Variants in PLD5 observed in about 807,000 individuals in gnomAD.
The protein encoded by PLD5 is inactive phospholipase D5.
PLD5 carries 36 observed loss-of-function variants against 61.1 expected under a neutral mutation model. The ratio of observed to expected loss-of-function variants is 0.59; its 90% CI spans 0.45 to 0.78. The LOEUF is 0.78. PLD5 is among the 30% of genes least tolerant of loss of function. The pLI, the probability that PLD5 is intolerant of heterozygous loss-of-function variation, is 0.00. For missense variants in PLD5, 515 were observed against 644.4 expected, an observed-to-expected ratio of 0.80 and a Z score of 2.17; for synonymous variants, 243 against 242.8, an observed-to-expected ratio of 1.00 and a Z score of -0.01.
chr1:242,497,795 C>T (rs1572248450), intron 1 of PLD5, among the ~76,000 whole-genome samples: 1 of 152,302 alleles, frequency 6.6e-6, no homozygotes, highest in South Asian at 2.1e-4. Context: ...ATAATGTCCT[C>T]ACATATTATG....
intron 1 of PLD5, among the ~76,000 whole-genome samples, chr1:242,508,921 A>C (rs2654858): frequency 0.58 from 88,175 of 151,916 alleles, 26,145 homozygotes; most frequent in African/African-American, 0.63. Flanking sequence ...TCTCTACTAA[A>C]AACACAAAAA....
upstream of PLD5, among the ~76,000 whole-genome samples, chr1:242,526,476 A>C (rs1669449925): frequency 6.6e-6 from 1 of 152,152 alleles, no homozygotes; most frequent in Admixed American, 6.5e-5. Flanking sequence ...TCGCTCTGTC[A>C]CCAGGCTGGA....
intron 4 of PLD5, among the ~76,000 whole-genome samples, chr1:242,230,803 A>G (rs1671250513): frequency 6.6e-6 from 1 of 152,232 alleles, no homozygotes; most frequent in East Asian, 1.9e-4. Flanking sequence ...AGAATCTCTC[A>G]CAGGTTGCTT....
At chr1:242,476,068 T>C (rs1485903201) in intron 1 of PLD5, among the ~76,000 whole-genome samples, 2 of 152,140 alleles carry the variant, frequency 1.3e-5, no homozygotes, top group Admixed American at 1.3e-4. Context: ...AACGCCTCCA[T>C]ATGGGCCAGG....
At chr1:242,327,340 A>G (rs2149196395) in intron 2 of PLD5, among the ~76,000 whole-genome samples, 1 of 152,256 alleles carries the variant, frequency 6.6e-6, no homozygotes, top group East Asian at 1.9e-4. Flanking sequence ...TTAAATATAT[A>G]TGACTGCATA....
intron 2 of PLD5, among the ~76,000 whole-genome samples, chr1:242,300,571 T>C (rs1306562694): frequency 1.3e-5 from 2 of 150,982 alleles, no homozygotes; most frequent in Admixed American, 6.6e-5. Context: ...TGGGGCAGAG[T>C]TGGGGGGACG....
At chr1:242,303,556 G>T (rs1009382655) in intron 2 of PLD5, among the ~76,000 whole-genome samples, 2 of 152,226 alleles carry the variant, frequency 1.3e-5, no homozygotes, top group Admixed American at 6.5e-5. Flanking sequence ...GACACAGGAG[G>T]TTGGTCCATC....
chr1:242,137,106 C>T (rs1256636631), intron 5 of PLD5, among the ~76,000 whole-genome samples: 2 of 152,188 alleles, frequency 1.3e-5, no homozygotes, highest in African/African-American at 2.4e-5. Flanking sequence ...TACAAATCTG[C>T]CTTTCTTCAT....
chr1:242,418,134 G>C (rs1382205413), intron 1 of PLD5, among the ~76,000 whole-genome samples: 1 of 152,060 alleles, frequency 6.6e-6, no homozygotes, highest in Non-Finnish European at 1.5e-5. Context: ...AATATATTTT[G>C]GAAATAGATC....
chr1:242,424,487 T>C (rs1665309624), intron 1 of PLD5, among the ~76,000 whole-genome samples: 1 of 152,048 alleles, frequency 6.6e-6, no homozygotes, highest in Admixed American at 6.5e-5. Context: ...TAAAACTGAG[T>C]TTATAATCCC....
intron 5 of PLD5, among the ~76,000 whole-genome samples, chr1:242,202,214 AAAAAAC>A (rs764219731): frequency 3.3e-5 from 5 of 152,032 alleles, no homozygotes; most frequent in South Asian, 2.1e-4. Flanking sequence ...CTCTGTATCC[AAAAAAC>A]AAAAACAAAA....
chr1:242,247,411 C>T (rs895721372), intron 4 of PLD5, among the ~76,000 whole-genome samples: 3 of 152,170 alleles, frequency 2.0e-5, no homozygotes, highest in Admixed American at 2.0e-4. Flanking sequence ...TCAGGTTGGA[C>T]AGTAAGTCAC....
chr1:242,379,738 A>G (rs530627099), intron 1 of PLD5, among the ~76,000 whole-genome samples: 1 of 152,256 alleles, frequency 6.6e-6, no homozygotes, highest in South Asian at 2.1e-4. Flanking sequence ...CAGTTATATT[A>G]CTTCCCCTAA....
intron 1 of PLD5, among the ~76,000 whole-genome samples, chr1:242,363,685 T>C (rs1169017022): frequency 6.6e-6 from 1 of 151,980 alleles, no homozygotes; most frequent in Non-Finnish European, 1.5e-5. Context: ...AACTCAGAAA[T>C]GACATAGATT....
intron 3 of PLD5, among the ~76,000 whole-genome samples, chr1:242,268,378 A>G (rs1673840195): frequency 6.6e-6 from 1 of 152,096 alleles, no homozygotes; most frequent in Non-Finnish European, 1.5e-5. Context: ...TAGTTAACAG[A>G]ATATATTTGG....
At chr1:242,096,678 T>G (rs995339665) in intron 9 of PLD5, among the ~76,000 whole-genome samples, 10 of 135,320 alleles carry the variant, frequency 7.4e-5, no homozygotes, top group Admixed American at 2.2e-4. Flanking sequence ...TTTTAAGTCT[T>G]TTTTGTTTTT....
intron 4 of PLD5, among the ~76,000 whole-genome samples, chr1:242,228,569 T>C (rs1671099999): frequency 6.6e-6 from 1 of 151,736 alleles, no homozygotes; most frequent in African/African-American, 2.4e-5. Flanking sequence ...TGTTGGGAAG[T>C]CATACACATA....
chr1:242,449,219 T>TA, intron 1 of PLD5: 1 of 1,127,756 alleles, frequency 8.9e-7, no homozygotes, highest in Non-Finnish European at 1.3e-6. Flanking sequence ...GCCCTTCTCA[T>TA]AAAAAAAGGA....
chr1:242,166,520 C>T (rs1467430532), intron 5 of PLD5, among the ~76,000 whole-genome samples: 3 of 152,216 alleles, frequency 2.0e-5, no homozygotes, highest in Non-Finnish European at 2.9e-5. Flanking sequence ...TACCTCCAGG[C>T]TTTTCTCTTT....
Sources: allele counts gnomAD v4.1 joint callset (sites outside exome capture counted in the v4.1 genomes callset), GRCh38; gene constraint gnomAD v4.1.1; transcripts MANE v1.5; gene names NCBI Gene and HGNC (gene_info 2026-07-23, HGNC 2026-07-21).